Variants in ZNF142 observed in about 807,000 individuals in gnomAD.
ZNF142 encodes zinc finger protein 142, also known as zinc finger protein 142 (clone pHZ-49).
ZNF142 carries 96 observed loss-of-function variants against 132.1 expected under a neutral mutation model. The observed-to-expected ratio is 0.73, with a 90% CI of 0.62 to 0.86. ZNF142 has a LOEUF of 0.86. ZNF142 is among the 40% of genes least tolerant of loss of function. The pLI is 0.00. For missense variants in ZNF142, 2,163 were observed against 2,336.2 expected (o/e 0.93, Z 1.53); for synonymous variants, 842 against 890.1 (o/e 0.95, Z 0.96).
rs183373677 is a variant in ZNF142, at chr2:218,656,027, T to A, written c.280+123A>T. On this transcript the variant is annotated intron_variant, in intron 4 of 10. Transcript: ENST00000411696. ...ACCAACTGCAAACCAAATGACAACATCTCCAAGTATAAAAATAGGATGCTA... is the reference window on the plus strand; with the variant it reads ...ACCAACTGCAAACCAAATGACAACAACTCCAAGTATAAAAATAGGATGCTA... The A allele has an allele frequency of 1.8e-4, 220 of 1,238,544 alleles. 3 individuals carry two copies. The East Asian group carries it at 5.9e-3, about 33-fold the overall frequency. The allele number at this position is 1,238,544 out of a possible 1,614,324, so 76.7% of individuals were successfully genotyped here.
At position 218,642,207 on chromosome 2, in the gene ZNF142, G is replaced by A. The variant is rs377082943; in HGVS notation, c.4909C>T (p.Leu1637=). The A allele has an allele frequency of 5.6e-6, 9 of 1,614,090 alleles. No individual in the cohort carries two copies. The highest frequency in any genetic ancestry group is 7.6e-6 in the Non-Finnish European group (9 of 1,180,042). ...CCTTTCACATGGTGATCTAGTACCA[G>A]CTGATGGCGGCATGTGAAGTCACAA... The part of the protein sequence containing the change: ...PFCDFTCRHQ[L]VLDHHVKGHG... Residue 1637 remains leucine (L), a synonymous_variant, in exon 9 of 11, where the codon CTG becomes TTG. Coordinates refer to ENST00000411696, the MANE Select transcript of ZNF142 (RefSeq NM_001379659.1). This position sits in a 1 kb window ranked among gnomAD's most constrained non-coding sequence, Gnocchi z 4.6.
At position 218,635,685 on chromosome 2, in the gene ZNF142, A is replaced by G; in HGVS notation, c.*2654T>C. On this transcript the variant is annotated 3_prime_UTR_variant, in exon 11 of 11. Coordinates refer to ENST00000411696, the MANE Select transcript of ZNF142 (RefSeq NM_001379659.1). ...AATACTAGAAGAAAATATATTACCC[A>G]TGGAGGATGTTTTACAAACCAAAAA... The G allele has an allele frequency of 1.4e-6, 2 of 1,386,672 alleles. No individual in the cohort carries two copies. Among genetic ancestry groups the G allele is most frequent in the Non-Finnish European group, 9.7e-7 (1 of 1,034,798 alleles). The allele number at this position is 1,386,672 out of a possible 1,614,324, so 85.9% of individuals were successfully genotyped here.
In ZNF142 at chr2:218,634,357, C is replaced by A; in HGVS notation, c.*3982G>T. ...AAATGCTATCAGTGGATATTACCAG[C>A]AGGTACCGTGCACCCAGTACCTATC... On this transcript the variant is annotated 3_prime_UTR_variant, in exon 11 of 11. Transcript: ENST00000411696. This position sits in a 1 kb window ranked among gnomAD's most constrained non-coding sequence, Gnocchi z 4.0. 1 of 1,563,020 alleles carries A rather than the reference C, an allele frequency of 6.4e-7. No individual in the cohort carries two copies. Among genetic ancestry groups the A allele is most frequent in the East Asian group, 2.2e-5 (1 of 44,520 alleles).
At position 218,641,241 on chromosome 2, in the gene ZNF142, T is replaced by TA. The variant is rs1300242871; in HGVS notation, c.5089-473dup. The stretch of plus-strand genomic sequence containing the variant: ...GGCGTGAGCCACCTCACCTGGCCGA[T>TA]AATTTTTTTTTTTTTTTTTTTTTGA... On this transcript the variant is annotated intron_variant, in intron 9 of 10. Transcript: ENST00000411696. 4.8e-5 allele frequency among the ~76,000 whole-genome samples: 6 copies of TA among 124,668 alleles called. No individual in the cohort carries two copies. The East Asian group carries it at 9.6e-4, about 20-fold the overall frequency. The allele number at this position is 124,668 out of a possible 152,430, so 81.8% of individuals were successfully genotyped here.
rs1696589505 is a variant in ZNF142, at chr2:218,634,396, G to A, written c.*3943C>T. 6.3e-7 allele frequency: 1 copy of A among 1,581,772 alleles called. No homozygotes were observed. The highest frequency in any genetic ancestry group is 1.4e-5 in the African/African-American group (1 of 74,020). ...CCAGTACCTATCTTCTTAACTCCCT[G>A]AAAGAGGGGCTGGAAGGCCTCCATG... On this transcript the variant is annotated 3_prime_UTR_variant, in exon 11 of 11. Transcript: ENST00000411696. The surrounding 1 kb of genome is among the most constrained non-coding windows in gnomAD (Gnocchi z 4.0).
rs1221783990 is a variant in ZNF142 at position 218,639,704 on chromosome 2, CAT to C, written c.5195-898_5195-897del. 7.8e-5 allele frequency among the ~76,000 whole-genome samples: 9 copies of C among 115,426 alleles called. No individual in the cohort carries two copies. The East Asian group carries it at 2.6e-3, about 34-fold the overall frequency. 75.7% of individuals were successfully genotyped at this position (115,426 alleles called of 152,430 possible). Reference sequence around the variant, plus strand: ...CTATGACTGCACCACTGCACTCCAGCATGGGCAGCAGAGCAAGACCCTGTCAC... The same window carrying C: ...CTATGACTGCACCACTGCACTCCAGCGGGCAGCAGAGCAAGACCCTGTCAC... On this transcript the variant is annotated intron_variant, in intron 10 of 10. Transcript: ENST00000411696.
rs550223958 is a variant in ZNF142, at chr2:218,658,887, G to C, written c.-210-11C>G. 3.3e-5 allele frequency: 5 copies of C among 152,464 alleles called. No homozygotes were observed. The South Asian group carries it at 6.2e-4, about 19-fold the overall frequency. 9.4% of individuals were successfully genotyped at this position (152,464 alleles called of 1,614,324 possible). A position where few individuals can be genotyped will look rare whatever the true frequency, so the allele number is the denominator to read the frequency against. On this transcript the variant is annotated splice_polypyrimidine_tract_variant and intron_variant, in intron 2 of 10. Coordinates refer to ENST00000411696, the MANE Select transcript of ZNF142 (RefSeq NM_001379659.1). ...TTCCGGGCAGGAGGGCTGAGGAAGA[G>C]AAAGGACAGACTAAGGCAGAGAGAA...
chr2:218,650,595 AC>A, intron 5 of ZNF142, 69 bp from the exon 6 acceptor site: 1 of 1,406,510 alleles, frequency 7.1e-7, no homozygotes, highest in Non-Finnish European at 9.4e-7. Context: ...ATACTTCTCT[AC>A]CTACTGGCTG....
rs1697524587 is a variant in ZNF142, at chr2:218,644,164, C to G, written c.2952G>C (p.Lys984Asn). The change falls in exon 9 of 11, where the codon AAG becomes AAC. Residue 984 changes from lysine to asparagine, a missense_variant. Lys to Asn is a moderately conservative substitution (Grantham distance 94). Coordinates refer to ENST00000411696, the MANE Select transcript of ZNF142 (RefSeq NM_001379659.1). The surrounding 1 kb of genome is among the most constrained non-coding windows in gnomAD (Gnocchi z 4.6). ...GTGCTGTCTCAGCAGGTGGAGTTGTCTTGAAGGTTCCTACCCAGTTGTTAG... is the reference window on the plus strand; with the variant it reads ...GTGCTGTCTCAGCAGGTGGAGTTGTGTTGAAGGTTCCTACCCAGTTGTTAG... ...EAPNNWVGTF[K>N]TTPPAETAPL... The G allele has an allele frequency of 2.5e-6, 4 of 1,614,002 alleles. No homozygotes were observed. The South Asian group carries it at 4.4e-5, about 18-fold the overall frequency.
chr2:218,643,002 G>A lies in ZNF142; in HGVS notation c.4114C>T (p.Gln1372Ter), dbSNP rs1697371244. 1 of 1,610,692 alleles carries A rather than the reference G, an allele frequency of 6.2e-7. No homozygotes were observed. The highest frequency in any genetic ancestry group is 1.1e-5 in the South Asian group (1 of 90,936). ...APARGPRPHLQCGDCGFTCKQ... is the reference protein window; with the variant it reads ...APARGPRPHL ...CAGGTGAAGCCACAGTCCCCACACT[G>A]TAGATGGGGCCGGGGCCCACGGGCT... The change falls in exon 9 of 11, where the codon CAG (glutamine) becomes TAG (stop). Residue 1372 changes from glutamine to a stop codon, truncating the protein, a stop_gained. Transcript: ENST00000411696. LOFTEE classifies it high-confidence loss of function.
At chr2:218,652,763 A>G (rs1938127860) in intron 4 of ZNF142, among the ~76,000 whole-genome samples, 2 of 152,198 alleles carry the variant, frequency 1.3e-5, no homozygotes, top group Non-Finnish European at 2.9e-5. Context: ...TCTCCATAAT[A>G]ATTGCTGCCG....
chr2:218,644,643 G>C lies in ZNF142; in HGVS notation c.2473C>G (p.Pro825Ala). The C allele has an allele frequency of 1.2e-6, 2 of 1,614,242 alleles. No individual in the cohort carries two copies. The highest frequency in any genetic ancestry group is 1.7e-6 in the Non-Finnish European group (2 of 1,180,042). ...AGCTGGTTTGAGGGCTCTGAATCTG[G>C]TGGGGGTGTTGGGCCCTGCATGGCC... is the stretch of plus-strand genomic sequence containing the variant. ...EGAMQGPTPP[P>A]DSEPSNQLSA... is the part of the protein sequence containing the mutation. The change falls in exon 9 of 11, where the codon CCA becomes GCA. Residue 825 changes from proline to alanine, a missense_variant. By Grantham distance (27) the Pro-to-Ala change is conservative. Around this residue, in one of 7 missense-constraint regions of ZNF142, gnomAD observed 749 missense variants for 830.3 expected, o/e 0.90. Transcript: ENST00000411696. The surrounding 1 kb of genome is among the most constrained non-coding windows in gnomAD (Gnocchi z 4.6).
Position 218,642,501 on chromosome 2 carries a change from T to A in ZNF142, c.4615A>T (p.Ser1539Cys). The part of the protein sequence containing the change: ...HCSRCGLLCP[S>C]PASLRGHTRK... ...GTGTGTCCTCGTAAGCTGGCAGGGCTGGGGCACAGCAACCCACAGCGGGAA... is the reference window on the plus strand; with the variant it reads ...GTGTGTCCTCGTAAGCTGGCAGGGCAGGGGCACAGCAACCCACAGCGGGAA... The change falls in exon 9 of 11, where the codon AGC becomes TGC. Residue 1539 changes from serine (S) to cysteine (C), a missense_variant. Ser to Cys is a moderately radical substitution (Grantham distance 112). This residue lies in a region of ZNF142 where 809 missense variants were observed against 801.7 expected (regional missense o/e 1.01). Transcript: ENST00000411696. The surrounding 1 kb of genome is among the most constrained non-coding windows in gnomAD (Gnocchi z 4.6). 1 of 1,607,594 alleles carries A rather than the reference T, an allele frequency of 6.2e-7. No homozygotes were observed. The highest frequency in any genetic ancestry group is 8.5e-7 in the Non-Finnish European group (1 of 1,176,024).
At position 218,642,126 on chromosome 2, in the gene ZNF142, G is replaced by A. The variant is rs766302289; in HGVS notation, c.4990C>T (p.Arg1664Ter). ...CGGCTGTGCCAGGTGATCTTCTGTC[G>A]GTTCTTGGTGCTGTAAGCACAATCG... ...CTDCAYSTKN[R>*]QKITWHSRIH... The change falls in exon 9 of 11, where the codon CGA becomes TGA. Residue 1664 changes from arginine (R) to a stop codon, truncating the protein, a stop_gained. Coordinates refer to ENST00000411696, the MANE Select transcript of ZNF142 (RefSeq NM_001379659.1). LOFTEE classifies it high-confidence loss of function. The surrounding 1 kb of genome is among the most constrained non-coding windows in gnomAD (Gnocchi z 4.6). 6.8e-6 allele frequency: 11 copies of A among 1,614,050 alleles called. No individual in the cohort carries two copies. Among genetic ancestry groups the A allele is most frequent in the Admixed American group, 3.3e-5 (2 of 60,002 alleles).
At chr2:218,651,348 A>C (rs529381153) in intron 5 of ZNF142, among the ~76,000 whole-genome samples, 1 of 152,340 alleles carries the variant, frequency 6.6e-6, no homozygotes, top group Admixed American at 6.5e-5. Flanking sequence ...GCTCTAAAGG[A>C]AAGTCTACAG....
rs1465317936 is a variant in ZNF142, at chr2:218,659,400, TCTA to T, written c.-396_-394del. The stretch of plus-strand genomic sequence containing the variant: ...ACCCAGAGCCGGCGGGAGCCGCATC[TCTA>T]TGGTCGGCCGCGGCTGGAACGGCCC... On this transcript the variant is annotated 5_prime_UTR_variant, in exon 1 of 11. Transcript: ENST00000411696. The surrounding 1 kb of genome is among the most constrained non-coding windows in gnomAD (Gnocchi z 4.4). The T allele has an allele frequency of 6.6e-5, 10 of 151,966 alleles. No homozygotes were observed. Among genetic ancestry groups the T allele is most frequent in the African/African-American group, 2.4e-4 (10 of 41,332 alleles). The allele number at this position is 151,966 out of a possible 1,614,324, so 9.4% of individuals were successfully genotyped here.
chr2:218,649,003 G>C lies in ZNF142; in HGVS notation c.1505C>G (p.Ala502Gly). Residue 502 changes from alanine to glycine, a missense_variant, in exon 7 of 11, where the codon GCC becomes GGC. Around this residue, in one of 7 missense-constraint regions of ZNF142, gnomAD observed 749 missense variants for 830.3 expected, o/e 0.90. Transcript: ENST00000411696. ...GGTCTCCTTCAGGTGCTTAATGAAG[G>C]CCTTGCGGTCGGGTGCTGCATAGCT... ...GCSYAAPDRK[A>G]FIKHLKETHG... The C allele has an allele frequency of 6.2e-7, 1 of 1,612,346 alleles. No homozygotes were observed. Among genetic ancestry groups the C allele is most frequent in the Non-Finnish European group, 8.5e-7 (1 of 1,180,046 alleles).
chr2:218,644,504 C>T lies in ZNF142; in HGVS notation c.2612G>A (p.Ser871Asn). 1 of 1,614,052 alleles carries T rather than the reference C, an allele frequency of 6.2e-7. No individual in the cohort carries two copies. Among genetic ancestry groups the T allele is most frequent in the Non-Finnish European group, 8.5e-7 (1 of 1,180,030 alleles). The change falls in exon 9 of 11, where the codon AGT becomes AAT. Residue 871 changes from serine to asparagine, a missense_variant. Around this residue, in one of 7 missense-constraint regions of ZNF142, gnomAD observed 749 missense variants for 830.3 expected, o/e 0.90. Transcript: ENST00000411696. This position sits in a 1 kb window ranked among gnomAD's most constrained non-coding sequence, Gnocchi z 4.6. ...EEVNTGRQEG[S>N]EAPHGGDLGG... ...CAGGTCACCCCCATGGGGAGCCTCACTGCCCTCCTGTCTTCCAGTGTTGAC... is the reference window on the plus strand; with the variant it reads ...CAGGTCACCCCCATGGGGAGCCTCATTGCCCTCCTGTCTTCCAGTGTTGAC...
In ZNF142 at chr2:218,642,568, G is replaced by A. The variant is rs757355562; in HGVS notation, c.4548C>T (p.Ala1516=). The change falls in exon 9 of 11, where the codon GCC becomes GCT. Residue 1516 remains alanine, a synonymous_variant. Coordinates refer to ENST00000411696, the MANE Select transcript of ZNF142 (RefSeq NM_001379659.1). The surrounding 1 kb of genome is among the most constrained non-coding windows in gnomAD (Gnocchi z 4.6). ...CAGTGGTCTCTGCAGGAGAGCCAGGGGCAGGCTGTGCAGGCTCGGGGTGTC... is the reference window on the plus strand; with the variant it reads ...CAGTGGTCTCTGCAGGAGAGCCAGGAGCAGGCTGTGCAGGCTCGGGGTGTC... ...LRRHPEPAQP[A]PGSPAETTEG... 1 of 1,613,432 alleles carries A rather than the reference G, an allele frequency of 6.2e-7. No homozygotes were observed. The highest frequency in any genetic ancestry group is 2.2e-5 in the East Asian group (1 of 44,852).
Sources: gnomAD v4.1 joint callset for allele counts (sites outside exome capture counted in the v4.1 genomes callset) on GRCh38, gnomAD v4.1.1 for gene constraint, gnomAD v4.1.1 regional missense constraint, Gnocchi (gnomAD v3.1) non-coding constraint, MANE v1.5 for transcripts, NCBI Gene and HGNC (gene_info 2026-07-23, HGNC 2026-07-21) for gene names.